The following TRABD2B variants were observed in gnomAD, a reference collection of about 807,000 sequenced individuals.
TRABD2B encodes the protein TraB domain containing 2B, also known as metalloprotease TIKI2.
TRABD2B carries 14 observed loss-of-function variants against 40.1 expected under a neutral mutation model. The observed-to-expected ratio is 0.35, with a 90% confidence interval of 0.23 to 0.55. TRABD2B has a LOEUF of 0.55. Ranked by LOEUF, TRABD2B falls within the 20% of genes least tolerant of loss-of-function variation. TRABD2B has a pLI of 0.90. For missense variants in TRABD2B, 541 were observed against 648.6 expected (o/e 0.83, Z 1.80); for synonymous variants, 263 against 277.0 (o/e 0.95, Z 0.50).
chr1:47,969,916 C>A, intron 2 of TRABD2B, among the ~76,000 whole-genome samples: 1 of 152,098 alleles, frequency 6.6e-6, no homozygotes, highest in East Asian at 1.9e-4. Context: ...CAGTGTCCGA[C>A]TTCACCTCCC....
intron 2 of TRABD2B, among the ~76,000 whole-genome samples, chr1:47,917,319 A>C (rs573092335): frequency 1.5e-4 from 23 of 152,298 alleles, no homozygotes; most frequent in African/African-American, 5.5e-4. Flanking sequence ...GCCACAGTGA[A>C]TATCCATTCC....
chr1:47,797,972 GC>G (rs567756528), intron 3 of TRABD2B, among the ~76,000 whole-genome samples: 233 of 152,206 alleles, frequency 1.5e-3, no homozygotes, highest in African/African-American at 5.3e-3. Context: ...GCTCAGGTCT[GC>G]TGACACCACC....
chr1:47,796,296 G>A (rs1188733424), intron 3 of TRABD2B, among the ~76,000 whole-genome samples: 1 of 152,158 alleles, frequency 6.6e-6, no homozygotes, highest in Non-Finnish European at 1.5e-5. Context: ...TCCACCTGGT[G>A]TCCCCTCTTC....
At chr1:47,823,632 C>T (rs1238709776) in intron 2 of TRABD2B, among the ~76,000 whole-genome samples, 1 of 152,136 alleles carries the variant, frequency 6.6e-6, no homozygotes, top group African/African-American at 2.4e-5. Context: ...AGGAGAGAGG[C>T]ACATCCTTGC....
chr1:47,845,994 T>C (rs1645463265), intron 2 of TRABD2B, among the ~76,000 whole-genome samples: 1 of 152,162 alleles, frequency 6.6e-6, no homozygotes, highest in Non-Finnish European at 1.5e-5. Context: ...AGTGAAAGGG[T>C]GGAGGAAGTG....
chr1:47,782,752 C>T (rs1644542438), intron 4 of TRABD2B, among the ~76,000 whole-genome samples: 1 of 152,102 alleles, frequency 6.6e-6, no homozygotes, highest in Admixed American at 6.5e-5. Context: ...AGCTGGCAGA[C>T]AGGAACCATG....
rs544560843 is a variant in TRABD2B, at chr1:47,878,348, A to G, written c.667-76729T>C. Among the ~76,000 whole-genome samples the G allele has an allele frequency of 2.6e-5, 4 of 152,306 alleles. No homozygotes were observed. The East Asian group carries it at 7.7e-4, about 29-fold the overall frequency. On this transcript the variant is annotated intron_variant, in intron 2 of 6. Coordinates refer to ENST00000606738, the MANE Select transcript of TRABD2B (RefSeq NM_001194986.2). Reference sequence around the variant, plus strand: ...CCAAAAAAAGAACATGTTTGTAAAAATGTTTTCAGTGAGTAGGTTATAATG... The same window carrying G: ...CCAAAAAAAGAACATGTTTGTAAAAGTGTTTTCAGTGAGTAGGTTATAATG...
intron 2 of TRABD2B, among the ~76,000 whole-genome samples, chr1:47,906,556 C>T (rs142453091): frequency 4.6e-5 from 7 of 152,288 alleles, no homozygotes; most frequent in Non-Finnish European, 8.8e-5. Context: ...AGGATTCGAG[C>T]GTAGCAGGGC....
chr1:47,874,483 A>T (rs1257898467), intron 2 of TRABD2B, among the ~76,000 whole-genome samples: 1 of 148,834 alleles, frequency 6.7e-6, no homozygotes, highest in Non-Finnish European at 1.5e-5. Flanking sequence ...CTTGTTAGCC[A>T]GGATGGTCTC....
intron 2 of TRABD2B, among the ~76,000 whole-genome samples, chr1:47,905,910 T>C (rs138395733): frequency 6.6e-6 from 1 of 152,338 alleles, no homozygotes; most frequent in East Asian, 1.9e-4. Flanking sequence ...GCTTCCCATT[T>C]GGAATCTCAC....
At chr1:47,775,766 G>A (rs947613133) in intron 5 of TRABD2B, among the ~76,000 whole-genome samples, 7 of 152,212 alleles carry the variant, frequency 4.6e-5, no homozygotes, top group African/African-American at 1.7e-4. Context: ...AGCAGACAGA[G>A]AGTAAAACAG....
intron 2 of TRABD2B, among the ~76,000 whole-genome samples, chr1:47,986,184 A>AC (rs1645916831): frequency 6.6e-6 from 1 of 152,358 alleles, no homozygotes; most frequent in East Asian, 1.9e-4. Context: ...AAGGAAAAAA[A>AC]CCCAAAATAT....
chr1:47,914,421 G>T (rs7552314), intron 2 of TRABD2B, among the ~76,000 whole-genome samples: 1 of 152,182 alleles, frequency 6.6e-6, no homozygotes, highest in Non-Finnish European at 1.5e-5. Flanking sequence ...CGCGGTGCCC[G>T]CTGTGGGAAG....
At chr1:47,830,495 C>T (rs904759291) in intron 2 of TRABD2B, among the ~76,000 whole-genome samples, 1 of 152,212 alleles carries the variant, frequency 6.6e-6, no homozygotes, top group Non-Finnish European at 1.5e-5. Flanking sequence ...GCCAAAGCAC[C>T]TTCATTCTCC....
intron 2 of TRABD2B, among the ~76,000 whole-genome samples, chr1:47,894,642 C>T (rs917978052): frequency 1.3e-5 from 2 of 152,116 alleles, no homozygotes; most frequent in African/African-American, 2.4e-5. Context: ...GAATGCATTT[C>T]GGACCACATG....
rs879278212 is a variant in TRABD2B, at chr1:47,765,852, C to T, written c.*50G>A. 2.8e-6 allele frequency: 2 copies of T among 702,678 alleles called. No homozygotes were observed. The highest frequency in any genetic ancestry group is 1.7e-5 in the African/African-American group (1 of 57,206). The allele number at this position is 702,678 out of a possible 1,614,324, so 43.5% of individuals were successfully genotyped here. On this transcript the variant is annotated 3_prime_UTR_variant, in exon 7 of 7. Coordinates refer to ENST00000606738, the MANE Select transcript of TRABD2B (RefSeq NM_001194986.2). Reference sequence around the variant, plus strand: ...GGTGGCAGGAGCAGTTGGGTGTGGCCGAAGACCCCTGTGTCATTTCTCTGG... The same window carrying T: ...GGTGGCAGGAGCAGTTGGGTGTGGCTGAAGACCCCTGTGTCATTTCTCTGG...
rs1231137057 is a variant in TRABD2B, at chr1:47,801,511, C to T, written c.775G>A (p.Asp259Asn). ...TGGTTGAAGATGACTGCGCTGAGGTCTCCGCAGTTGTAGTGCTTGATGAGG... is the reference window on the plus strand; with the variant it reads ...TGGTTGAAGATGACTGCGCTGAGGTTTCCGCAGTTGTAGTGCTTGATGAGG... ...EDLIKHYNCG[D>N]LSAVIFNHDT... Residue 259 changes from aspartate to asparagine, a missense_variant, in exon 3 of 7, where the codon GAC becomes AAC. This residue lies in a region of TRABD2B where 369 missense variants were observed against 492.8 expected (regional missense o/e 0.75). Transcript: ENST00000606738. 4 of 1,536,010 alleles carry T rather than the reference C, an allele frequency of 2.6e-6. No individual in the cohort carries two copies. The highest frequency in any genetic ancestry group is 3.5e-6 in the Non-Finnish European group (4 of 1,146,926).
At chr1:47,799,729 T>C (rs1028753000) in intron 3 of TRABD2B, among the ~76,000 whole-genome samples, 4 of 152,180 alleles carry the variant, frequency 2.6e-5, no homozygotes, top group African/African-American at 7.2e-5. Context: ...CATGGTTTCC[T>C]CTGCTGGAAT....
intron 2 of TRABD2B, among the ~76,000 whole-genome samples, chr1:47,803,944 C>CA (rs1219314365): frequency 2.6e-5 from 4 of 152,234 alleles, no homozygotes; most frequent in Non-Finnish European, 5.9e-5. Flanking sequence ...CACCAAGTGG[C>CA]AGCAGTCACT....
Sources: allele counts gnomAD v4.1 joint callset (sites outside exome capture counted in the v4.1 genomes callset), GRCh38; gene constraint gnomAD v4.1.1; regional missense constraint gnomAD v4.1.1; transcripts MANE v1.5; gene names NCBI Gene and HGNC (gene_info 2026-07-23, HGNC 2026-07-21).